Variants in CYYR1 observed in about 807,000 individuals in gnomAD.
CYYR1 encodes cysteine and tyrosine rich 1.
In CYYR1, 14 loss-of-function variants were observed where a neutral mutation model predicts 15.2. The observed-to-expected ratio is 0.92, with a 90% CI of 0.61 to 1.44. The LOEUF (loss-of-function observed/expected upper bound fraction) is 1.44, where lower values mean the gene tolerates loss of function less well. CYYR1 is among the 40% of genes most tolerant of loss of function. The pLI, the probability that CYYR1 is intolerant of heterozygous loss-of-function variation, is 0.00. For synonymous variants in CYYR1, 80 were observed against 77.4 expected (o/e 1.03, Z -0.18); for missense variants, 228 against 209.5 (o/e 1.09, Z -0.54).
At chr21:26,512,065 CTT>C (rs2065655633) in intron 2 of CYYR1, among the ~76,000 whole-genome samples, 1 of 152,026 alleles carries the variant, frequency 6.6e-6, no homozygotes, top group African/African-American at 2.4e-5. Context: ...TTTCACATCT[CTT>C]TTTCCTCTCG....
At chr21:26,562,695 T>C (rs370713878) in intron 2 of CYYR1, among the ~76,000 whole-genome samples, 1 of 151,706 alleles carries the variant, frequency 6.6e-6, no homozygotes, top group South Asian at 2.1e-4. Flanking sequence ...AGATTCCATG[T>C]TGATGATCTG....
intron 2 of CYYR1, among the ~76,000 whole-genome samples, chr21:26,547,392 A>G (rs1979045952): frequency 1.3e-5 from 2 of 152,152 alleles, no homozygotes; most frequent in Non-Finnish European, 2.9e-5. Context: ...GTCTGTCAAC[A>G]CACCTGGACA....
intron 3 of CYYR1, among the ~76,000 whole-genome samples, chr21:26,477,365 C>T (rs2123388020): frequency 6.6e-6 from 1 of 152,166 alleles, no homozygotes; most frequent in East Asian, 1.9e-4. Context: ...TTTCGAAGAC[C>T]TAGTCTTTTT....
At chr21:26,559,298 T>C (rs1234876141) in intron 2 of CYYR1, among the ~76,000 whole-genome samples, 1 of 152,228 alleles carries the variant, frequency 6.6e-6, no homozygotes, top group African/African-American at 2.4e-5. Context: ...CCCATTATCC[T>C]ATTCAGGCAT....
chr21:26,522,388 TA>T (rs1164325310), intron 2 of CYYR1, among the ~76,000 whole-genome samples: 1 of 152,138 alleles, frequency 6.6e-6, no homozygotes, highest in Non-Finnish European at 1.5e-5. Flanking sequence ...AAAAATTTTT[TA>T]AAAAAACTTT....
chr21:26,556,006 C>T (rs1979748093), intron 2 of CYYR1, among the ~76,000 whole-genome samples: 1 of 152,126 alleles, frequency 6.6e-6, no homozygotes, highest in South Asian at 2.1e-4. Flanking sequence ...AACCCAGAAA[C>T]ATGACAGGAG....
rs761112209 is a variant in CYYR1 at position 26,549,977 on chromosome 21, TTA to T, written c.176+16287_176+16288del. On this transcript the variant is annotated intron_variant, in intron 2 of 3. Transcript: ENST00000652641. The stretch of plus-strand genomic sequence containing the variant: ...TTTTCTTTATTGAGTCTCACAGATA[TTA>T]TGTTATTTATAAATTGAAGATCTGT... Among the ~76,000 whole-genome samples, 32 of 152,312 alleles carry T rather than the reference TTA, an allele frequency of 2.1e-4. 1 individual carries two copies. The Middle Eastern group carries it at 0.02, about 97-fold the overall frequency.
intron 2 of CYYR1, among the ~76,000 whole-genome samples, chr21:26,505,298 A>G (rs1181770486): frequency 6.6e-6 from 1 of 152,194 alleles, no homozygotes; most frequent in Non-Finnish European, 1.5e-5. Flanking sequence ...GTTATCCCCA[A>G]GCATGTAAAA....
intron 2 of CYYR1, among the ~76,000 whole-genome samples, chr21:26,558,421 GCAAT>G (rs1979957214): frequency 6.6e-6 from 1 of 152,060 alleles, no homozygotes; most frequent in Non-Finnish European, 1.5e-5. Context: ...CTTGGCTCAG[GCAAT>G]CCTCCCACCT....
intron 3 of CYYR1, among the ~76,000 whole-genome samples, chr21:26,469,569 T>G (rs1239607418): frequency 1.3e-5 from 2 of 152,082 alleles, no homozygotes; most frequent in African/African-American, 4.8e-5. Flanking sequence ...TAATGTATAA[T>G]AATCAAATCA....
intron 2 of CYYR1, among the ~76,000 whole-genome samples, chr21:26,534,933 G>A (rs1219994555): frequency 7.9e-5 from 12 of 152,240 alleles, no homozygotes; most frequent in Non-Finnish European, 4.4e-5. Flanking sequence ...AGTTTGCAAA[G>A]TAAATATAAC....
chr21:26,550,319 GCCTC>G, intron 2 of CYYR1: 1 of 152,134 alleles, frequency 6.6e-6, no homozygotes, highest in East Asian at 1.9e-4. Flanking sequence ...CTCCCCTCAG[GCCTC>G]CCTCCTCCCT....
chr21:26,503,319 T>C lies in CYYR1; in HGVS notation c.177-22890A>G, dbSNP rs540690871. 1.1e-4 allele frequency among the ~76,000 whole-genome samples: 17 copies of C among 152,304 alleles called. 1 individual carries two copies. In the South Asian group the frequency reaches 3.5e-3, roughly 32 times the overall value. On this transcript the variant is annotated intron_variant, in intron 2 of 3. Coordinates refer to ENST00000652641, the MANE Select transcript of CYYR1 (RefSeq NM_001320768.2). Reference sequence around the variant, plus strand: ...ACTTTTTAAAAAAAGAAAATAGTAATTTGAGGTATATGATCAAAATTAAAT... The same window carrying C: ...ACTTTTTAAAAAAAGAAAATAGTAACTTGAGGTATATGATCAAAATTAAAT...
chr21:26,565,327 C>T (rs1215596975), intron 2 of CYYR1, among the ~76,000 whole-genome samples: 1 of 152,108 alleles, frequency 6.6e-6, no homozygotes, highest in Non-Finnish European at 1.5e-5. Flanking sequence ...TATGACTTAG[C>T]GCCTAATGTT....
chr21:26,564,809 A>G (rs1475736184), intron 2 of CYYR1: 2 of 1,250,316 alleles, frequency 1.6e-6, no homozygotes, highest in South Asian at 2.8e-5. Context: ...TCGCACCTCT[A>G]CCTGGGACAG....
intron 2 of CYYR1, among the ~76,000 whole-genome samples, chr21:26,539,888 G>A (rs931684623): frequency 7.9e-5 from 12 of 152,148 alleles, no homozygotes; most frequent in African/African-American, 2.4e-4. Flanking sequence ...GCATTCATAA[G>A]TAGCATTTTA....
At chr21:26,512,939 C>A (rs2065670519) in intron 2 of CYYR1, among the ~76,000 whole-genome samples, 1 of 152,178 alleles carries the variant, frequency 6.6e-6, no homozygotes, top group Non-Finnish European at 1.5e-5. Context: ...TGCTTTTCTC[C>A]TAGCCAAGCG....
chr21:26,534,293 T>A (rs2065967943), intron 2 of CYYR1, among the ~76,000 whole-genome samples: 1 of 152,182 alleles, frequency 6.6e-6, no homozygotes, highest in South Asian at 2.1e-4. Context: ...ATGAGTAAGT[T>A]AATGAATGAA....
chr21:26,480,581 C>A (rs2065165900), intron 2 of CYYR1, 152 bp from the exon 3 acceptor site: 2 of 713,734 alleles, frequency 2.8e-6, no homozygotes, highest in African/African-American at 1.9e-5. Flanking sequence ...TTTTTTAAAA[C>A]CCATAAGTTC....
Sources: gnomAD v4.1 joint callset for allele counts (sites outside exome capture counted in the v4.1 genomes callset) on GRCh38, gnomAD v4.1.1 for gene constraint, MANE v1.5 for transcripts, NCBI Gene and HGNC (gene_info 2026-07-23, HGNC 2026-07-21) for gene names.